AIFM2: variants seen among roughly 807,000 people sequenced by gnomAD.
AIFM2 encodes the protein AIF family member 2, ferroptosis suppressor.
Under a neutral mutation model 35.7 loss-of-function variants are expected in AIFM2, and 38 were observed. That is an observed-to-expected ratio of 1.06 (90% confidence interval 0.82 to 1.39). The LOEUF is 1.39. Ranked by LOEUF, AIFM2 falls within the 40% of genes most tolerant of loss-of-function variation. The pLI, the probability that AIFM2 is intolerant of heterozygous loss-of-function variation, is 0.00. For synonymous variants in AIFM2, 185 were observed against 203.5 expected, an observed-to-expected ratio of 0.91 and a Z score of 0.77; for missense variants, 476 against 491.2, an observed-to-expected ratio of 0.97 and a Z score of 0.29.
rs757667663 is a variant in AIFM2 at position 70,117,993 on chromosome 10, C to T, written c.508-73G>A. On this transcript the variant is annotated intron_variant, in intron 5 of 8. Transcript: ENST00000307864. The surrounding 1 kb of genome is among the most constrained non-coding windows in gnomAD (Gnocchi z 4.7). ...CAAACACAATCATTGCACGAACGTC[C>T]ACCTCCACTCATACCTCCAGGTTAC... is the stretch of plus-strand genomic sequence containing the variant. The T allele has an allele frequency of 1.9e-6, 2 of 1,030,828 alleles. No homozygotes were observed. Among genetic ancestry groups the T allele is most frequent in the Non-Finnish European group, 3.0e-6 (2 of 672,560 alleles). 63.9% of individuals were successfully genotyped at this position (1,030,828 alleles called of 1,614,324 possible). A position where few individuals can be genotyped will look rare whatever the true frequency, so the allele number is the denominator to read the frequency against.
At chr10:70,116,907 C>T in intron 6 of AIFM2, 133 bp from the exon 7 acceptor site, 1 of 1,008,580 alleles carries the variant, frequency 9.9e-7, no homozygotes, top group Non-Finnish European at 1.5e-6. Context: ...ACCCTGTCTT[C>T]CCACCATGCC....
intron 1 of AIFM2, among the ~76,000 whole-genome samples, chr10:70,132,368 G>A (rs1023884541): frequency 1.8e-4 from 27 of 152,174 alleles, no homozygotes; most frequent in African/African-American, 6.3e-4. Context: ...GCGGACCCTC[G>A]GACGGTCCTC....
intron 1 of AIFM2, among the ~76,000 whole-genome samples, chr10:70,127,441 G>A (rs1214378391): frequency 6.6e-6 from 1 of 152,226 alleles, no homozygotes; most frequent in East Asian, 1.9e-4. Flanking sequence ...TGGGCCAGAG[G>A]CCCAGTGGCA....
rs1391995068 is a variant in AIFM2, at chr10:70,119,467, T to TG, written c.507+1039dup. 8.5e-5 allele frequency among the ~76,000 whole-genome samples: 13 copies of TG among 152,270 alleles called. No homozygotes were observed. The East Asian group carries it at 2.5e-3, about 29-fold the overall frequency. On this transcript the variant is annotated intron_variant, in intron 5 of 8. Transcript: ENST00000307864. ...ACGCCAGGTAGTGTCAGAATTGAAT[T>TG]GAACCGTAGGACACCCAGCTGGTGT...
At chr10:70,121,281 C>G in intron 3 of AIFM2, 70 bp from the exon 4 acceptor site, 1 of 1,437,800 alleles carries the variant, frequency 7.0e-7, no homozygotes, top group Non-Finnish European at 9.0e-7. Flanking sequence ...CAGGGCAGGC[C>G]TAGGCCTCTG....
chr10:70,118,717 G>A (rs1232259351), intron 5 of AIFM2, among the ~76,000 whole-genome samples: 4 of 152,190 alleles, frequency 2.6e-5, no homozygotes, highest in African/African-American at 7.2e-5. Context: ...CTGATGCAGA[G>A]CTCTTAAAAC....
At position 70,119,285 on chromosome 10, in the gene AIFM2, A is replaced by C. The variant is rs527487583; in HGVS notation, c.507+1222T>G. The stretch of plus-strand genomic sequence containing the variant: ...CCTGGCTTCCATCAGCTGCTCTAGC[A>C]AATTATTTAACCCAAGGAGAGAGTC... On this transcript the variant is annotated intron_variant, in intron 5 of 8. Coordinates refer to ENST00000307864, the MANE Select transcript of AIFM2 (RefSeq NM_032797.6). Among the ~76,000 whole-genome samples, 81 of 152,364 alleles carry C rather than the reference A, an allele frequency of 5.3e-4. 1 individual carries two copies. The South Asian group carries it at 8.1e-3, about 15-fold the overall frequency.
At chr10:70,118,645 C>T (rs1230603737) in intron 5 of AIFM2, among the ~76,000 whole-genome samples, 2 of 152,240 alleles carry the variant, frequency 1.3e-5, no homozygotes, top group African/African-American at 4.8e-5. Flanking sequence ...TTTACTACTT[C>T]AGACTGGTCT....
At chr10:70,120,474 C>A (rs1219686900) in intron 5 of AIFM2, 33 bp downstream of exon 5, 11 of 1,611,902 alleles carry the variant, frequency 6.8e-6, no homozygotes, top group Non-Finnish European at 9.3e-6. Flanking sequence ...AAGCCAACCA[C>A]TTAGAGCTCC....
intron 5 of AIFM2, 149 bp downstream of exon 5, chr10:70,120,358 A>G (rs993338918): frequency 3.5e-5 from 29 of 836,886 alleles, no homozygotes; most frequent in South Asian, 3.4e-4. Context: ...CTATAGAATC[A>G]CACCTTGGCA....
intron 5 of AIFM2, chr10:70,118,225 G>A: frequency 3.4e-6 from 1 of 297,230 alleles, no homozygotes; most frequent in East Asian, 9.1e-5. Flanking sequence ...AAGCATCCTT[G>A]GGCACTTATA....
intron 1 of AIFM2, among the ~76,000 whole-genome samples, chr10:70,126,382 G>A (rs1161949359): frequency 1.3e-5 from 2 of 152,218 alleles, no homozygotes; most frequent in Non-Finnish European, 2.9e-5. Flanking sequence ...GTCAGCGAAG[G>A]AGGAAGTAGA....
At chr10:70,119,885 C>T (rs1007931220) in intron 5 of AIFM2, among the ~76,000 whole-genome samples, 3 of 152,170 alleles carry the variant, frequency 2.0e-5, no homozygotes, top group Admixed American at 6.5e-5. Context: ...CTAGGTTGCC[C>T]GGTAGGATCT....
chr10:70,132,336 C>G (rs2072635033), intron 1 of AIFM2, among the ~76,000 whole-genome samples: 1 of 152,198 alleles, frequency 6.6e-6, no homozygotes, highest in African/African-American at 2.4e-5. Flanking sequence ...CTGCTTCTGT[C>G]CGGACCGGCC....
chr10:70,123,977 G>A lies in AIFM2; in HGVS notation c.108C>T (p.Pro36=), dbSNP rs1370412720. 4 of 1,613,326 alleles carry A rather than the reference G, an allele frequency of 2.5e-6. No homozygotes were observed. Among genetic ancestry groups the A allele is most frequent in the South Asian group, 1.1e-5 (1 of 90,988 alleles). ...AASQLQALNV[P]FMLVDMKDSF... The stretch of plus-strand genomic sequence containing the variant: ...AGTCCTTCATGTCCACCAGCATGAA[G>A]GGGACGTTCAGGGCCTGCAGCTGGC... The change falls in exon 2 of 9, where the codon CCC becomes CCT. Residue 36 remains proline, a synonymous_variant. Transcript: ENST00000307864.
At chr10:70,122,006 C>T (rs758585774) in intron 3 of AIFM2, among the ~76,000 whole-genome samples, 2 of 151,936 alleles carry the variant, frequency 1.3e-5, no homozygotes, top group Non-Finnish European at 2.9e-5. Context: ...GCAGGAGGAT[C>T]GCTTGAACCT....
rs775965800 is a variant in AIFM2, at chr10:70,117,919, A to G, written c.509T>C (p.Val170Ala). ...GGCCACTTGGGAGTGAATGAGAGTGACCTGAGGACAAAACGACCACAGGGC... is the reference window on the plus strand; with the variant it reads ...GGCCACTTGGGAGTGAATGAGAGTGGCCTGAGGACAAAACGACCACAGGGC... ...EIKTEYPEKE[V>A]TLIHSQVALA... is the part of the protein sequence containing the mutation. The change falls in exon 6 of 9, where the codon GTC becomes GCC. Residue 170 changes from valine (V) to alanine (A), a missense_variant and splice_region_variant. Coordinates refer to ENST00000307864, the MANE Select transcript of AIFM2 (RefSeq NM_032797.6). This position sits in a 1 kb window ranked among gnomAD's most constrained non-coding sequence, Gnocchi z 4.7. The G allele has an allele frequency of 4.7e-5, 75 of 1,606,378 alleles. No individual in the cohort carries two copies. Among genetic ancestry groups the G allele is most frequent in the Non-Finnish European group, 6.0e-5 (71 of 1,176,600 alleles).
intron 3 of AIFM2, 66 bp from the exon 4 acceptor site, chr10:70,121,277 A>G (rs1390259148): frequency 3.4e-5 from 48 of 1,411,052 alleles, no homozygotes; most frequent in Non-Finnish European, 9.2e-7. Flanking sequence ...AGGGCAGGGC[A>G]GGCCTAGGCC....
rs1307816011 is a variant in AIFM2, at chr10:70,131,226, C to T, written c.-14+1508G>A. On this transcript the variant is annotated intron_variant, in intron 1 of 8. Coordinates refer to ENST00000307864, the MANE Select transcript of AIFM2 (RefSeq NM_032797.6). This position sits in a 1 kb window ranked among gnomAD's most constrained non-coding sequence, Gnocchi z 4.1. ...CACGATGCTTTTTGAGTCGTCATGG[C>T]TCACACAAAGGGTAGGTTTCAACAT... is the stretch of plus-strand genomic sequence containing the variant. Among the ~76,000 whole-genome samples the T allele has an allele frequency of 6.6e-6, 1 of 152,162 alleles. No homozygotes were observed. Among genetic ancestry groups the T allele is most frequent in the Non-Finnish European group, 1.5e-5 (1 of 68,040 alleles).
Sources: allele counts gnomAD v4.1 joint callset (sites outside exome capture counted in the v4.1 genomes callset), GRCh38; gene constraint gnomAD v4.1.1; non-coding constraint Gnocchi (gnomAD v3.1); transcripts MANE v1.5; gene names NCBI Gene and HGNC (gene_info 2026-07-23, HGNC 2026-07-21).